The following FSIP2 variants were observed in gnomAD, a reference collection of about 807,000 sequenced individuals.
FSIP2 encodes the protein fibrous sheath interacting protein 2.
Under a neutral mutation model 510.5 loss-of-function variants are expected in FSIP2, and 367 were observed. The observed-to-expected ratio is 0.72, with a 90% CI of 0.66 to 0.78. The LOEUF (loss-of-function observed/expected upper bound fraction) is 0.78. Ranked by LOEUF, FSIP2 falls within the 30% of genes least tolerant of loss-of-function variation. FSIP2 has a pLI of 0.00. For synonymous variants in FSIP2, 2,601 were observed against 2,732.2 expected, an observed-to-expected ratio of 0.95 and a Z score of 1.50; for missense variants, 7,594 against 7,901.7, an observed-to-expected ratio of 0.96 and a Z score of 1.48.
At chr2:185,742,875 G>T (rs1223725188) in intron 2 of FSIP2, among the ~76,000 whole-genome samples, 1 of 152,006 alleles carries the variant, frequency 6.6e-6, no homozygotes, top group Admixed American at 6.6e-5. Flanking sequence ...TTCTTATTTG[G>T]CTGAGAGTCA....
chr2:185,813,757 CA>C lies in FSIP2; in HGVS notation c.20043del (p.Val6682TyrfsTer6). 1 of 1,612,794 alleles carries C rather than the reference CA, an allele frequency of 6.2e-7. No homozygotes were observed. The highest frequency in any genetic ancestry group is 8.5e-7 in the Non-Finnish European group (1 of 1,179,452). On this transcript the variant is annotated frameshift_variant, in exon 18 of 23. Transcript: ENST00000424728. LOFTEE classifies it high-confidence loss of function. ...TQTFAKEEGI[K>X]VFEDQVKEVK... ...AGACTTTTGCAAAAGAAGAAGGCAT[CA>C]AAGTATTTGAAGATCAAGTGAAAGA...
chr2:185,762,001 T>C lies in FSIP2; in HGVS notation c.1224T>C (p.Ser408=). ...ATGGGATGGTATCTAAAAACTCAAG[T>C]ATTTTCGATGATAGAGGTAAGAAAA... ...KRDGMVSKNS[S]IFDDRGGINI... The change falls in exon 11 of 23, where the codon AGT becomes AGC. Residue 408 remains serine (S), a synonymous_variant. Transcript: ENST00000424728. 6.8e-7 allele frequency: 1 copy of C among 1,481,360 alleles called. No individual in the cohort carries two copies. Among genetic ancestry groups the C allele is most frequent in the Non-Finnish European group, 9.1e-7 (1 of 1,100,098 alleles). 91.8% of individuals were successfully genotyped at this position (1,481,360 alleles called of 1,614,324 possible).
At position 185,808,293 on chromosome 2, in the gene FSIP2, T is replaced by G; in HGVS notation, c.18987T>G (p.Leu6329=). The G allele has an allele frequency of 6.2e-7, 1 of 1,605,572 alleles. No homozygotes were observed. The highest frequency in any genetic ancestry group is 8.5e-7 in the Non-Finnish European group (1 of 1,177,332). ...MEKVIKIIDE[L]KSKEKSSSRK... is the part of the protein sequence containing the mutation. ...AAGTGATCAAAATTATTGATGAACT[T>G]AAGTCTAAGGAAAAGTCTTCATCCA... Residue 6329 remains leucine, a synonymous_variant, in exon 17 of 23, where the codon CTT becomes CTG. Transcript: ENST00000424728.
At chr2:185,812,456 A>T (rs748956082) in intron 17 of FSIP2, among the ~76,000 whole-genome samples, 2 of 152,078 alleles carry the variant, frequency 1.3e-5, no homozygotes, top group African/African-American at 2.4e-5. Context: ...AGAAGCAGAC[A>T]TGTGGAACTC....
chr2:185,775,301 G>A (rs1692694884), intron 13 of FSIP2, among the ~76,000 whole-genome samples: 1 of 150,376 alleles, frequency 6.6e-6, no homozygotes, highest in South Asian at 2.1e-4. Flanking sequence ...GTATCTCATT[G>A]TGGTTTTGAT....
In FSIP2 at chr2:185,761,103, GGT is replaced by G. The variant is rs1256882706; in HGVS notation, c.1194+1_1194+2del. Reference sequence around the variant, plus strand: ...TACAGGATAATGGTATAAATCAAAAGGTATACAATTATGCTTTAAAGTTTTGT... The same window carrying G: ...TACAGGATAATGGTATAAATCAAAAGATACAATTATGCTTTAAAGTTTTGT... On this transcript the variant is annotated splice_donor_variant, in intron 10 of 22. Coordinates refer to ENST00000424728, the MANE Select transcript of FSIP2 (RefSeq NM_173651.4). LOFTEE classifies it high-confidence loss of function. 1 of 1,222,628 alleles carries G rather than the reference GGT, an allele frequency of 8.2e-7. No individual in the cohort carries two copies. The highest frequency in any genetic ancestry group is 1.6e-5 in the African/African-American group (1 of 64,338). The allele number at this position is 1,222,628 out of a possible 1,614,324, so 75.7% of individuals were successfully genotyped here.
At chr2:185,738,446 G>C, upstream of FSIP2, 1 of 656,800 alleles carries the variant, frequency 1.5e-6, no homozygotes, top group South Asian at 2.0e-5. Context: ...AGCTGTGGGA[G>C]CCTGGGGATG....
At chr2:185,750,755 A>G (rs1339713891) in intron 7 of FSIP2, among the ~76,000 whole-genome samples, 1 of 151,122 alleles carries the variant, frequency 6.6e-6, no homozygotes, top group East Asian at 1.9e-4. Context: ...TGGTCTATCA[A>G]GAGTCCCCAG....
Position 185,802,049 on chromosome 2 carries a change from G to T in FSIP2, c.12743G>T (p.Ser4248Ile), listed in dbSNP as rs1693452179. 2 of 1,532,632 alleles carry T rather than the reference G, an allele frequency of 1.3e-6. No individual in the cohort carries two copies. The highest frequency in any genetic ancestry group is 2.7e-5 in the African/African-American group (2 of 72,904). 94.9% of individuals were successfully genotyped at this position (1,532,632 alleles called of 1,614,324 possible). A position where few individuals can be genotyped will look rare whatever the true frequency, so the allele number is the denominator to read the frequency against. ...RSPIMIDQIA[S>I]FIIQEIIENH... ...CCAATTATGATTGACCAAATAGCCA[G>T]CTTTATCATCCAAGAGATTATCGAA... is the stretch of plus-strand genomic sequence containing the variant. Residue 4248 changes from serine (S) to isoleucine (I), a missense_variant, in exon 17 of 23, where the codon AGC (serine) becomes ATC (isoleucine). Coordinates refer to ENST00000424728, the MANE Select transcript of FSIP2 (RefSeq NM_173651.4).
At position 185,807,851 on chromosome 2, in the gene FSIP2, T is replaced by G. The variant is rs374865772; in HGVS notation, c.18545T>G (p.Ile6182Ser). 1.9e-6 allele frequency: 3 copies of G among 1,610,822 alleles called. No individual in the cohort carries two copies. Among genetic ancestry groups the G allele is most frequent in the Non-Finnish European group, 2.5e-6 (3 of 1,178,720 alleles). The change falls in exon 17 of 23, where the codon ATT (isoleucine) becomes AGT (serine). Residue 6182 changes from isoleucine (I) to serine (S), a missense_variant. By Grantham distance (142) the Ile-to-Ser change is moderately radical (BLOSUM62 -2). Coordinates refer to ENST00000424728, the MANE Select transcript of FSIP2 (RefSeq NM_173651.4). Reference protein sequence around the residue: ...DKLSYNIIEEIAVKFLSKLLS... With the variant: ...DKLSYNIIEESAVKFLSKLLS... Reference sequence around the variant, plus strand: ...CTGTCTTATAACATAATAGAAGAAATTGCTGTGAAATTTTTATCAAAGCTT... The same window carrying G: ...CTGTCTTATAACATAATAGAAGAAAGTGCTGTGAAATTTTTATCAAAGCTT...
intron 13 of FSIP2, among the ~76,000 whole-genome samples, chr2:185,767,608 T>C (rs1692516305): frequency 6.6e-6 from 1 of 152,136 alleles, no homozygotes; most frequent in African/African-American, 2.4e-5. Context: ...TTGTCACAAA[T>C]GGCAGGATTT....
At chr2:185,825,014 T>C (rs1260492542) in intron 20 of FSIP2, among the ~76,000 whole-genome samples, 1 of 151,780 alleles carries the variant, frequency 6.6e-6, no homozygotes, top group Non-Finnish European at 1.5e-5. Flanking sequence ...AGAGGGAGGA[T>C]CGATGTGGTT....
At chr2:185,830,523 T>C (rs983118373) in intron 21 of FSIP2, among the ~76,000 whole-genome samples, 4 of 151,882 alleles carry the variant, frequency 2.6e-5, no homozygotes, top group Admixed American at 2.6e-4. Context: ...AATGGTGTAA[T>C]ATTTGCATAT....
chr2:185,800,878 A>T lies in FSIP2; in HGVS notation c.11572A>T (p.Ser3858Cys). Residue 3858 changes from serine to cysteine, a missense_variant, in exon 17 of 23, where the codon AGC becomes TGC. Ser to Cys is a moderately radical substitution (Grantham distance 112). Transcript: ENST00000424728. ...VKSLMDKLSH[S>C]IQQAPESLPF... ...ATCATTGATGGACAAATTATCTCAC[A>T]GCATACAACAAGCTCCGGAAAGTCT... is the stretch of plus-strand genomic sequence containing the variant. The T allele has an allele frequency of 6.5e-7, 1 of 1,534,202 alleles. No individual in the cohort carries two copies. Among genetic ancestry groups the T allele is most frequent in the Non-Finnish European group, 8.7e-7 (1 of 1,145,622 alleles).
chr2:185,793,385 A>T lies in FSIP2; in HGVS notation c.6249A>T (p.Arg2083=), dbSNP rs1167958913. ...AGCTGCTCAATGAGACCAAATATCGAAAAGTACTTCAACTTCAAATACAAG... is the reference window on the plus strand; with the variant it reads ...AGCTGCTCAATGAGACCAAATATCGTAAAGTACTTCAACTTCAAATACAAG... The part of the protein sequence containing the change: ...IEKLLNETKY[R]KVLQLQIQDT... Residue 2083 remains arginine (R), a synonymous_variant, in exon 16 of 23, where the codon CGA becomes CGT. Coordinates refer to ENST00000424728, the MANE Select transcript of FSIP2 (RefSeq NM_173651.4). 1 of 1,533,834 alleles carries T rather than the reference A, an allele frequency of 6.5e-7. No individual in the cohort carries two copies. The highest frequency in any genetic ancestry group is 2.0e-5 in the Admixed American group (1 of 50,852).
Position 185,795,440 on chromosome 2 carries a change from C to A in FSIP2, c.8304C>A (p.Ile2768=). ...CCAAAGCTTTACCATCTGATCAAAT[C>A]ATAGCAGCAGGTAAAATAGTTAATA... ...KQTKALPSDQ[I]IAAGKIVNTV... Residue 2768 remains isoleucine, a synonymous_variant, in exon 16 of 23, where the codon ATC becomes ATA. Coordinates refer to ENST00000424728, the MANE Select transcript of FSIP2 (RefSeq NM_173651.4). The A allele has an allele frequency of 2.0e-6, 3 of 1,534,630 alleles. No individual in the cohort carries two copies. The highest frequency in any genetic ancestry group is 2.6e-6 in the Non-Finnish European group (3 of 1,145,894).
Position 185,803,847 on chromosome 2 carries a change from TG to T in FSIP2, c.14544del (p.Asn4849IlefsTer6), listed in dbSNP as rs1693499247. 5 of 1,509,504 alleles carry T rather than the reference TG, an allele frequency of 3.3e-6. No individual in the cohort carries two copies. Among genetic ancestry groups the T allele is most frequent in the Non-Finnish European group, 3.5e-6 (4 of 1,131,140 alleles). 93.5% of individuals were successfully genotyped at this position (1,509,504 alleles called of 1,614,324 possible). A position where few individuals can be genotyped will look rare whatever the true frequency, so the allele number is the denominator to read the frequency against. ...SKHEICIIKY[G>X]NKKQSMISAK... ...AACATGAAATATGTATTATTAAATA[TG>T]GGAATAAAAAACAGAGTATGATTTC... On this transcript the variant is annotated frameshift_variant, in exon 17 of 23. Transcript: ENST00000424728. LOFTEE classifies it high-confidence loss of function.
chr2:185,755,407 A>C (rs1055093279), intron 8 of FSIP2, among the ~76,000 whole-genome samples: 17 of 151,634 alleles, frequency 1.1e-4, no homozygotes, highest in Non-Finnish European at 2.4e-4. Context: ...CATCTTCATT[A>C]ACTTTCTCAT....
Position 185,830,410 on chromosome 2 carries a change from T to C in FSIP2, c.20518-1403T>C, listed in dbSNP as rs373363652. Among the ~76,000 whole-genome samples, 21 of 152,000 alleles carry C rather than the reference T, an allele frequency of 1.4e-4. No individual in the cohort carries two copies. In the East Asian group the frequency reaches 1.8e-3, roughly 13 times the overall value. Reference sequence around the variant, plus strand: ...TGTGTCTAACAAACAGATACATGTTTTCACATAACTTAAGTACTGTCATCC... The same window carrying C: ...TGTGTCTAACAAACAGATACATGTTCTCACATAACTTAAGTACTGTCATCC... On this transcript the variant is annotated intron_variant, in intron 21 of 22. Transcript: ENST00000424728.
Sources: allele counts gnomAD v4.1 joint callset (sites outside exome capture counted in the v4.1 genomes callset), GRCh38; gene constraint gnomAD v4.1.1; transcripts MANE v1.5; gene names NCBI Gene and HGNC (gene_info 2026-07-23, HGNC 2026-07-21).